MAST4: variants seen among roughly 807,000 people sequenced by gnomAD.
The protein encoded by MAST4 is microtubule associated serine/threonine kinase family member 4.
A neutral mutation model predicts 162.7 loss-of-function variants in MAST4; 89 were observed. The ratio of observed to expected loss-of-function variants is 0.55; its 90% confidence interval spans 0.46 to 0.65. The LOEUF (loss-of-function observed/expected upper bound fraction) is 0.65, where lower values mean the gene tolerates loss of function less well. Ranked by LOEUF, MAST4 falls within the 30% of genes least tolerant of loss-of-function variation. MAST4 has a pLI of 0.00. For synonymous variants in MAST4, 1,479 were observed against 1,361.1 expected (o/e 1.09, Z -1.91); for missense variants, 3,153 against 3,374.0 (o/e 0.93, Z 1.62).
At chr5:66,901,430 A>G (rs938492989) in intron 4 of MAST4, among the ~76,000 whole-genome samples, 2 of 148,770 alleles carry the variant, frequency 1.3e-5, no homozygotes, top group African/African-American at 2.5e-5. Flanking sequence ...GAGTAAGTCA[A>G]TTCTGTTAAT....
At chr5:67,126,961 C>G (rs759030812) in intron 14 of MAST4, among the ~76,000 whole-genome samples, 96 of 152,302 alleles carry the variant, frequency 6.3e-4, no homozygotes, top group Middle Eastern at 3.4e-3. Context: ...TCCTTTACAT[C>G]CCTTGTAAGT....
intron 4 of MAST4, among the ~76,000 whole-genome samples, chr5:67,000,347 C>T (rs1751138241): frequency 6.6e-6 from 1 of 152,228 alleles, no homozygotes; most frequent in Non-Finnish European, 1.5e-5. Context: ...GCAGACTTCA[C>T]ATCCACACTA....
At chr5:66,856,840 C>T (rs564635733) in intron 3 of MAST4, among the ~76,000 whole-genome samples, 10 of 152,276 alleles carry the variant, frequency 6.6e-5, no homozygotes, top group Non-Finnish European at 1.3e-4. Flanking sequence ...GGCTATATGT[C>T]CAGCTGTTAA....
chr5:66,848,451 TTTTG>T (rs935580926), intron 3 of MAST4, among the ~76,000 whole-genome samples: 13 of 152,192 alleles, frequency 8.5e-5, no homozygotes, highest in South Asian at 4.1e-4. Flanking sequence ...AGGTTGTTTT[TTTTG>T]TTTGTTTGTT....
chr5:67,126,413 A>AT (rs774941132), intron 14 of MAST4, among the ~76,000 whole-genome samples: 2 of 152,030 alleles, frequency 1.3e-5, no homozygotes, highest in Non-Finnish European at 2.9e-5. Flanking sequence ...TCTTGAGTTA[A>AT]TTTTTGTATA....
intron 4 of MAST4, among the ~76,000 whole-genome samples, chr5:67,045,700 A>T (rs1381638797): frequency 6.6e-6 from 1 of 152,196 alleles, no homozygotes; most frequent in African/African-American, 2.4e-5. Flanking sequence ...CCCTGAGCAT[A>T]GATTCAAGTT....
chr5:66,627,682 A>G (rs930218834), intron 1 of MAST4, among the ~76,000 whole-genome samples: 1 of 152,088 alleles, frequency 6.6e-6, no homozygotes, highest in Non-Finnish European at 1.5e-5. Flanking sequence ...TTTTAGTATT[A>G]TTAAAGAAAA....
intron 4 of MAST4, chr5:66,986,357 C>G (rs2150259087): frequency 1.1e-6 from 1 of 908,170 alleles, no homozygotes; most frequent in East Asian, 3.0e-5. Context: ...TATGTTGTTA[C>G]ACAGAGAAAT....
intron 3 of MAST4, among the ~76,000 whole-genome samples, chr5:66,789,240 T>A (rs192078854): frequency 6.6e-6 from 1 of 152,338 alleles, no homozygotes; most frequent in East Asian, 1.9e-4. Context: ...TTTGAGGTAT[T>A]TGAGAGTGCA....
intron 6 of MAST4, among the ~76,000 whole-genome samples, chr5:67,091,574 T>C (rs1432174449): frequency 6.6e-6 from 1 of 152,188 alleles, no homozygotes; most frequent in Non-Finnish European, 1.5e-5. Context: ...CCTATAAAAA[T>C]TGATAAACAA....
At chr5:66,756,571 G>A (rs949994096) in intron 1 of MAST4, among the ~76,000 whole-genome samples, 14 of 152,214 alleles carry the variant, frequency 9.2e-5, no homozygotes, top group African/African-American at 1.9e-4. Flanking sequence ...TTTAAAGGAC[G>A]AAGTCCAAAG....
Position 66,764,211 on chromosome 5 carries a change from G to A in MAST4, c.517+4349G>A, listed in dbSNP as rs1580395592. 2.6e-5 allele frequency among the ~76,000 whole-genome samples: 4 copies of A among 152,310 alleles called. No homozygotes were observed. The East Asian group carries it at 7.7e-4, about 29-fold the overall frequency. ...GCCCTACTGGGCTTGGTTCCAGGTT[G>A]CAGTTTGGGTCCAGATTTGTTCTAT... On this transcript the variant is annotated intron_variant, in intron 2 of 28. Transcript: ENST00000403625.
chr5:67,018,575 G>T (rs528301616), intron 4 of MAST4, among the ~76,000 whole-genome samples: 1 of 152,106 alleles, frequency 6.6e-6, no homozygotes, highest in Non-Finnish European at 1.5e-5. Context: ...CAGATAAACA[G>T]ATTTGACTAG....
chr5:67,127,343 C>G (rs1024653532), intron 14 of MAST4, among the ~76,000 whole-genome samples: 1 of 152,102 alleles, frequency 6.6e-6, no homozygotes, highest in African/African-American at 2.4e-5. Context: ...CAGTTTTTGC[C>G]CATTCAGTAT....
At chr5:66,845,085 T>TTATATATATATATA (rs752796951) in intron 3 of MAST4, among the ~76,000 whole-genome samples, 21 of 57,962 alleles carry the variant, frequency 3.6e-4, no homozygotes, top group African/African-American at 1.3e-3. Context: ...TCACTAATCT[T>TTATATATATATATA]TATATATATA....
intron 1 of MAST4, among the ~76,000 whole-genome samples, chr5:66,713,785 G>T (rs146073198): frequency 2.5e-4 from 38 of 152,210 alleles, no homozygotes; most frequent in Non-Finnish European, 4.6e-4. Context: ...TAGAACTGAG[G>T]TTCTAATCTA....
intron 1 of MAST4, among the ~76,000 whole-genome samples, chr5:66,698,387 C>A (rs987436895): frequency 6.6e-6 from 1 of 151,844 alleles, no homozygotes; most frequent in Non-Finnish European, 1.5e-5. Context: ...CACTCCTGCC[C>A]CCTCCCTTCT....
chr5:67,163,959 C>G lies in MAST4; in HGVS notation c.4780C>G (p.Gln1594Glu). 1.2e-6 allele frequency: 2 copies of G among 1,611,846 alleles called. No homozygotes were observed. Among genetic ancestry groups the G allele is most frequent in the Non-Finnish European group, 1.7e-6 (2 of 1,179,012 alleles). The stretch of plus-strand genomic sequence containing the variant: ...TACTTTTGAAAACAAAGCGTCTATG[C>G]AGGAGGCGCCACCGCTGGGCAGCCT... ...SSTFENKASM[Q>E]EAPPLGSLLK... is the part of the protein sequence containing the mutation. The change falls in exon 29 of 29, where the codon CAG becomes GAG. Residue 1594 changes from glutamine to glutamate, a missense_variant. Physicochemically the swap from Gln to Glu is conservative, Grantham distance 29. Transcript: ENST00000403625. The surrounding 1 kb of genome is among the most constrained non-coding windows in gnomAD (Gnocchi z 7.0).
At chr5:66,872,865 A>G (rs956733529) in intron 3 of MAST4, among the ~76,000 whole-genome samples, 2 of 152,192 alleles carry the variant, frequency 1.3e-5, no homozygotes, top group African/African-American at 4.8e-5. Context: ...TGGTGTTTTA[A>G]GGACTCAGCT....
Sources: gnomAD v4.1 joint callset for allele counts (sites outside exome capture counted in the v4.1 genomes callset) on GRCh38, gnomAD v4.1.1 for gene constraint, Gnocchi (gnomAD v3.1) non-coding constraint, MANE v1.5 for transcripts, NCBI Gene and HGNC (gene_info 2026-07-23, HGNC 2026-07-21) for gene names.